Variants in RORA observed in about 807,000 individuals in gnomAD.
The protein encoded by RORA is nuclear receptor ROR-alpha.
A neutral mutation model predicts 69.5 loss-of-function variants in RORA; 7 were observed. That is an observed-to-expected ratio of 0.10 (90% CI 0.06 to 0.19). The LOEUF (loss-of-function observed/expected upper bound fraction) is 0.19, where lower values mean the gene tolerates loss of function less well. Among genes scored for constraint, RORA ranks in the 10% least tolerant of loss-of-function variants. The pLI is 1.00. For synonymous variants in RORA, 261 were observed against 240.8 expected (o/e 1.08, Z -0.78); for missense variants, 457 against 663.0 (o/e 0.69, Z 3.41).
At chr15:61,070,528 T>G (rs991083612) in intron 1 of RORA, among the ~76,000 whole-genome samples, 3 of 152,356 alleles carry the variant, frequency 2.0e-5, no homozygotes, top group Non-Finnish European at 4.4e-5. Context: ...TCTGATCCTT[T>G]GGACAGATTT....
intron 1 of RORA, among the ~76,000 whole-genome samples, chr15:60,749,856 C>T (rs946892513): frequency 3.3e-5 from 5 of 152,038 alleles, no homozygotes; most frequent in Non-Finnish European, 5.9e-5. Context: ...AGTGAGACCC[C>T]GTCTCTACTA....
chr15:60,640,984 G>A (rs918366362), intron 2 of RORA, among the ~76,000 whole-genome samples: 4 of 152,054 alleles, frequency 2.6e-5, no homozygotes, highest in African/African-American at 7.3e-5. Flanking sequence ...ACAGAATCTC[G>A]CTCTATTGCC....
intron 1 of RORA, among the ~76,000 whole-genome samples, chr15:60,788,726 C>A (rs891600493): frequency 3.3e-5 from 5 of 152,190 alleles, no homozygotes; most frequent in Non-Finnish European, 5.9e-5. Context: ...TTGCTCCAAG[C>A]TGGCCTCAGC....
intron 2 of RORA, among the ~76,000 whole-genome samples, chr15:60,654,206 CA>C (rs2070188211): frequency 6.6e-6 from 1 of 152,310 alleles, no homozygotes; most frequent in South Asian, 2.1e-4. Context: ...CATCCTGAGA[CA>C]GGGGTAATGC....
chr15:61,159,731 C>T (rs550999272), intron 1 of RORA, among the ~76,000 whole-genome samples: 10 of 152,286 alleles, frequency 6.6e-5, no homozygotes, highest in East Asian at 1.9e-4. Flanking sequence ...GCAATGGCAA[C>T]GAGGTGTGCA....
chr15:60,621,384 T>C (rs2069403294), intron 2 of RORA, among the ~76,000 whole-genome samples: 2 of 151,512 alleles, frequency 1.3e-5, no homozygotes, highest in African/African-American at 4.9e-5. Flanking sequence ...AGCCAGAGAG[T>C]AAATTGTTGC....
chr15:60,961,219 TGATTGGACTGTTA>T, intron 1 of RORA, among the ~76,000 whole-genome samples: 1 of 152,302 alleles, frequency 6.6e-6, no homozygotes, highest in South Asian at 2.1e-4. Context: ...GCATGGATTC[TGATTGGACTGTTA>T]GTCACCTGAA....
chr15:60,955,776 C>G (rs896140922), intron 1 of RORA, among the ~76,000 whole-genome samples: 1 of 152,168 alleles, frequency 6.6e-6, no homozygotes, highest in Non-Finnish European at 1.5e-5. Flanking sequence ...ATGCTGACTT[C>G]CAATCCTGAC....
intron 2 of RORA, among the ~76,000 whole-genome samples, chr15:60,605,992 A>G (rs2068937138): frequency 6.6e-6 from 1 of 152,250 alleles, no homozygotes; most frequent in Admixed American, 6.5e-5. Context: ...ATGACTTGTC[A>G]GCGAACAGGA....
chr15:61,228,609 A>T (rs2080170694), intron 1 of RORA, among the ~76,000 whole-genome samples: 1 of 150,310 alleles, frequency 6.7e-6, no homozygotes, highest in Non-Finnish European at 1.5e-5. Context: ...CAAGAGGAGA[A>T]AAGGTAAAGC....
At chr15:60,883,174 GAGAGAGAGAA>G (rs1425924384) in intron 1 of RORA, among the ~76,000 whole-genome samples, 14 of 131,084 alleles carry the variant, frequency 1.1e-4, no homozygotes, top group East Asian at 2.0e-4. Context: ...GAGAGAGAGA[GAGAGAGAGAA>G]AGAAAGAAAA....
intron 1 of RORA, among the ~76,000 whole-genome samples, chr15:60,834,999 T>C (rs906618496): frequency 1.3e-5 from 2 of 152,192 alleles, no homozygotes; most frequent in African/African-American, 2.4e-5. Context: ...TTATGTTTCC[T>C]AGATATATTT....
At chr15:60,786,401 C>A (rs1423985609) in intron 1 of RORA, among the ~76,000 whole-genome samples, 1 of 152,256 alleles carries the variant, frequency 6.6e-6, no homozygotes, top group Non-Finnish European at 1.5e-5. Flanking sequence ...TTAACCAACT[C>A]TACAAAGAGT....
intron 2 of RORA, among the ~76,000 whole-genome samples, chr15:60,604,416 C>G (rs2068897830): frequency 6.6e-6 from 1 of 152,170 alleles, no homozygotes; most frequent in Admixed American, 6.5e-5. Context: ...CCTTGTTTAT[C>G]TGCTTTTTTT....
intron 1 of RORA, among the ~76,000 whole-genome samples, chr15:60,791,470 A>G (rs780787902): frequency 4.6e-5 from 7 of 152,224 alleles, no homozygotes; most frequent in Non-Finnish European, 1.0e-4. Context: ...AACCTTCACC[A>G]AGTAAAATTT....
At chr15:60,573,259 G>C (rs1477930237) in intron 2 of RORA, among the ~76,000 whole-genome samples, 1 of 152,080 alleles carries the variant, frequency 6.6e-6, no homozygotes, top group African/African-American at 2.4e-5. Context: ...ATTCATCTTA[G>C]CGACATCATA....
intron 1 of RORA, among the ~76,000 whole-genome samples, chr15:61,162,482 G>A (rs2079504138): frequency 6.6e-6 from 1 of 152,160 alleles, no homozygotes; most frequent in Non-Finnish European, 1.5e-5. Flanking sequence ...GGCATTTCTG[G>A]TGCTAACAGT....
intron 2 of RORA, among the ~76,000 whole-genome samples, chr15:60,546,005 G>C (rs1054272070): frequency 1.3e-5 from 2 of 152,182 alleles, no homozygotes; most frequent in African/African-American, 4.8e-5. Flanking sequence ...GTGGTGATCA[G>C]GTTGCCTTCA....
chr15:61,052,929 C>T (rs940581163), intron 1 of RORA, among the ~76,000 whole-genome samples: 2 of 152,214 alleles, frequency 1.3e-5, no homozygotes, highest in African/African-American at 4.8e-5. Context: ...GAAGTGACAG[C>T]TTTTCCTAAT....
Sources: allele counts gnomAD v4.1 joint callset (sites outside exome capture counted in the v4.1 genomes callset), GRCh38; gene constraint gnomAD v4.1.1; transcripts MANE v1.5; gene names NCBI Gene and HGNC (gene_info 2026-07-23, HGNC 2026-07-21).